The following OSBPL11 variants were observed in gnomAD, a reference collection of about 807,000 sequenced individuals.
OSBPL11 encodes oxysterol binding protein like 11.
In OSBPL11, 33 loss-of-function variants were observed where a neutral mutation model predicts 84.4. The ratio of observed to expected loss-of-function variants is 0.39; its 90% confidence interval spans 0.30 to 0.52. The LOEUF is 0.52. Among genes scored for constraint, OSBPL11 ranks in the 20% least tolerant of loss-of-function variants. The pLI, the probability that OSBPL11 is intolerant of heterozygous loss-of-function variation, is 0.72. For synonymous variants in OSBPL11, 276 were observed against 310.2 expected, an observed-to-expected ratio of 0.89 and a Z score of 1.16; for missense variants, 736 against 901.1, an observed-to-expected ratio of 0.82 and a Z score of 2.35.
intron 4 of OSBPL11, among the ~76,000 whole-genome samples, chr3:125,578,535 G>A (rs916766936): frequency 1.3e-5 from 2 of 152,144 alleles, no homozygotes; most frequent in Non-Finnish European, 2.9e-5. Context: ...CTTGAGGTCA[G>A]GAGTTCGAGG....
chr3:125,539,523 CCT>C (rs1202850714), intron 10 of OSBPL11, among the ~76,000 whole-genome samples: 1 of 151,716 alleles, frequency 6.6e-6, no homozygotes, highest in Non-Finnish European at 1.5e-5. Context: ...CTCACTGCAA[CCT>C]CTGCCTCCTG....
chr3:125,566,477 A>G (rs1053990841), intron 6 of OSBPL11, among the ~76,000 whole-genome samples: 6 of 152,202 alleles, frequency 3.9e-5, no homozygotes, highest in Non-Finnish European at 8.8e-5. Flanking sequence ...TTAGGCACAC[A>G]TGAGGATGAG....
At chr3:125,555,040 A>G (rs1935971224) in intron 8 of OSBPL11, among the ~76,000 whole-genome samples, 1 of 152,184 alleles carries the variant, frequency 6.6e-6, no homozygotes, top group African/African-American at 2.4e-5. Flanking sequence ...CATTTGAGTC[A>G]GTGGATTGGG....
At chr3:125,576,497 A>G (rs1183842081) in intron 4 of OSBPL11, 132 bp from the exon 5 acceptor site, 3 of 612,644 alleles carry the variant, frequency 4.9e-6, no homozygotes, top group Non-Finnish European at 2.5e-6. Context: ...ATTGACTATG[A>G]GAACATTTCC....
chr3:125,575,795 C>T (rs1206031690), intron 5 of OSBPL11, among the ~76,000 whole-genome samples: 1 of 151,876 alleles, frequency 6.6e-6, no homozygotes, highest in Non-Finnish European at 1.5e-5. Context: ...CCTTGGCTTC[C>T]CAAAGTGCTG....
intron 10 of OSBPL11, among the ~76,000 whole-genome samples, chr3:125,545,848 T>A (rs188511787): frequency 6.6e-6 from 1 of 152,094 alleles, no homozygotes; most frequent in East Asian, 1.9e-4. Flanking sequence ...TTATAACAAA[T>A]GCAGACAGCA....
At chr3:125,594,575 C>T in intron 1 of OSBPL11, 62 bp downstream of exon 1, 12 of 1,534,772 alleles carry the variant, frequency 7.8e-6, no homozygotes, top group Non-Finnish European at 1.1e-5. Flanking sequence ...CGGGATGCAG[C>T]CTCCAGGGCA....
chr3:125,590,226 C>T (rs116659686), intron 1 of OSBPL11, among the ~76,000 whole-genome samples: 19 of 152,246 alleles, frequency 1.2e-4, no homozygotes, highest in Non-Finnish European at 2.2e-4. Flanking sequence ...AAATACAAGG[C>T]TAATCTAATA....
intron 11 of OSBPL11, among the ~76,000 whole-genome samples, chr3:125,537,619 T>C (rs1398942795): frequency 6.6e-6 from 1 of 152,196 alleles, no homozygotes; most frequent in Non-Finnish European, 1.5e-5. Context: ...TAGTTAGAAA[T>C]TGTTTGGTTC....
chr3:125,583,024 TC>T (rs752479658), intron 1 of OSBPL11, 46 bp from the exon 2 acceptor site: 196 of 1,376,222 alleles, frequency 1.4e-4, no homozygotes, highest in Non-Finnish European at 1.9e-4. Flanking sequence ...TTAGAAGAAA[TC>T]CCAGGAGGAT....
intron 4 of OSBPL11, among the ~76,000 whole-genome samples, chr3:125,576,855 TGTATGTTTAGTAGA>T (rs1345502706): frequency 6.6e-6 from 1 of 152,188 alleles, no homozygotes; most frequent in Non-Finnish European, 1.5e-5. Context: ...AGTTAATTTT[TGTATGTTTAGTAGA>T]GACAGGGTTT....
At chr3:125,537,159 C>CAAAAAAAAAA (rs574427912) in intron 11 of OSBPL11, among the ~76,000 whole-genome samples, 1 of 88,234 alleles carries the variant, frequency 1.1e-5, no homozygotes, top group African/African-American at 4.0e-5. Context: ...GACCCTGTCT[C>CAAAAAAAAAA]AAAAAAAAAA....
rs565966782 is a variant in OSBPL11 at position 125,560,291 on chromosome 3, T to G, written c.1155+88A>C. 1.3e-5 allele frequency: 16 copies of G among 1,188,924 alleles called. No homozygotes were observed. The East Asian group carries it at 3.7e-4, about 27-fold the overall frequency. 73.6% of individuals were successfully genotyped at this position (1,188,924 alleles called of 1,614,324 possible). ...AAAATTAAAATTAAAATTTAAAAAGTAAATAAATAAAAAGTCCTGACATAA... is the reference window on the plus strand; with the variant it reads ...AAAATTAAAATTAAAATTTAAAAAGGAAATAAATAAAAAGTCCTGACATAA... On this transcript the variant is annotated intron_variant, in intron 8 of 12. Coordinates refer to ENST00000296220, the MANE Select transcript of OSBPL11 (RefSeq NM_022776.5).
At chr3:125,561,423 GACAAT>G in intron 7 of OSBPL11, among the ~76,000 whole-genome samples, 1 of 152,112 alleles carries the variant, frequency 6.6e-6, no homozygotes, top group African/African-American at 2.4e-5. Context: ...CTTTGTGAAT[GACAAT>G]ACAATTTTAT....
In OSBPL11 at chr3:125,578,969, A is replaced by G; in HGVS notation, c.480T>C (p.Ala160=). Residue 160 remains alanine, a synonymous_variant, in exon 4 of 13, where the codon GCT becomes GCC. Transcript: ENST00000296220. ...ATATAAATCTACATACCTTTCCAAT[A>G]GCTTCAGTATGATGCTGTGTACATA... ...LQICTQHHTE[A]IGKNNPPLKS... The G allele has an allele frequency of 1.9e-6, 3 of 1,561,984 alleles. No individual in the cohort carries two copies. The highest frequency in any genetic ancestry group is 2.6e-6 in the Non-Finnish European group (3 of 1,152,400).
intron 8 of OSBPL11, among the ~76,000 whole-genome samples, chr3:125,557,587 A>T (rs1298308126): frequency 6.6e-6 from 1 of 151,802 alleles, no homozygotes; most frequent in African/African-American, 2.4e-5. Flanking sequence ...CATGTTGGCC[A>T]GGCTGGTCTC....
chr3:125,547,873 T>A (rs1440466729), intron 9 of OSBPL11, among the ~76,000 whole-genome samples: 1 of 152,134 alleles, frequency 6.6e-6, no homozygotes, highest in Non-Finnish European at 1.5e-5. Flanking sequence ...TCTCTAATGC[T>A]CCTAAAAATA....
intron 1 of OSBPL11, among the ~76,000 whole-genome samples, chr3:125,584,363 C>T (rs1346643220): frequency 1.3e-5 from 2 of 152,114 alleles, no homozygotes; most frequent in Non-Finnish European, 2.9e-5. Flanking sequence ...GAGACTCCAT[C>T]ATAAACAAAA....
chr3:125,594,992 G>A lies in OSBPL11; in HGVS notation c.-192C>T, dbSNP rs945080553. On this transcript the variant is annotated 5_prime_UTR_variant, in exon 1 of 13. Coordinates refer to ENST00000296220, the MANE Select transcript of OSBPL11 (RefSeq NM_022776.5). Reference sequence around the variant, plus strand: ...TCCCACAGAAGTTAAACTTTTGAGAGGGCAGGGGAAGCAACGAGGACAGAT... The same window carrying A: ...TCCCACAGAAGTTAAACTTTTGAGAAGGCAGGGGAAGCAACGAGGACAGAT... 7 of 587,436 alleles carry A rather than the reference G, an allele frequency of 1.2e-5. No homozygotes were observed. Among genetic ancestry groups the A allele is most frequent in the African/African-American group, 5.6e-5 (3 of 53,768 alleles). 36.4% of individuals were successfully genotyped at this position (587,436 alleles called of 1,614,324 possible).
Sources: allele counts gnomAD v4.1 joint callset (sites outside exome capture counted in the v4.1 genomes callset), GRCh38; gene constraint gnomAD v4.1.1; transcripts MANE v1.5; gene names NCBI Gene and HGNC (gene_info 2026-07-23, HGNC 2026-07-21).